MCU: variants seen among roughly 807,000 people sequenced by gnomAD.
MCU encodes the protein calcium uniporter protein, mitochondrial.
In MCU, 12 loss-of-function variants were observed where a neutral mutation model predicts 45.2. The observed-to-expected ratio is 0.27, with a 90% CI of 0.17 to 0.43. The LOEUF is 0.43. Ranked by LOEUF, MCU falls within the 20% of genes least tolerant of loss-of-function variation. MCU has a pLI of 1.00. For missense variants in MCU, 324 were observed against 436.7 expected, an observed-to-expected ratio of 0.74 and a Z score of 2.30; for synonymous variants, 160 against 165.1, an observed-to-expected ratio of 0.97 and a Z score of 0.24.
chr10:72,746,442 T>C (rs1205817940), intron 1 of MCU, among the ~76,000 whole-genome samples: 4 of 152,228 alleles, frequency 2.6e-5, no homozygotes, highest in Non-Finnish European at 5.9e-5. Context: ...TCTATGTAAA[T>C]ACTACCTCAC....
At chr10:72,866,909 G>GT (rs1845466223) in intron 4 of MCU, among the ~76,000 whole-genome samples, 2 of 151,580 alleles carry the variant, frequency 1.3e-5, no homozygotes, top group Non-Finnish European at 2.9e-5. Flanking sequence ...GTTTCTTCTG[G>GT]TAACTTTGGA....
chr10:72,829,797 T>G (rs1011717347), intron 1 of MCU, among the ~76,000 whole-genome samples: 1 of 152,222 alleles, frequency 6.6e-6, no homozygotes, highest in Non-Finnish European at 1.5e-5. Flanking sequence ...TTGGTTTTTG[T>G]TTTTTGTTTG....
chr10:72,813,643 G>A (rs150439141), intron 1 of MCU, among the ~76,000 whole-genome samples: 5 of 151,798 alleles, frequency 3.3e-5, no homozygotes, highest in Non-Finnish European at 5.9e-5. Context: ...AGTTTTAGTA[G>A]AGACAGGGTT....
intron 1 of MCU, among the ~76,000 whole-genome samples, chr10:72,761,907 G>A (rs938943509): frequency 2.0e-5 from 3 of 152,042 alleles, no homozygotes; most frequent in Non-Finnish European, 4.4e-5. Context: ...TCAGAGCTTA[G>A]CTCCCACTTG....
At chr10:72,842,757 T>A (rs1347186030) in intron 2 of MCU, among the ~76,000 whole-genome samples, 1 of 151,766 alleles carries the variant, frequency 6.6e-6, no homozygotes, top group Non-Finnish European at 1.5e-5. Context: ...CATTTATTTT[T>A]AAAATATGGC....
intron 1 of MCU, among the ~76,000 whole-genome samples, chr10:72,739,575 C>G (rs139185428): frequency 6.6e-6 from 1 of 152,098 alleles, no homozygotes; most frequent in Non-Finnish European, 1.5e-5. Flanking sequence ...AGAAAGCCAA[C>G]TTCTTATGTT....
intron 1 of MCU, among the ~76,000 whole-genome samples, chr10:72,763,105 T>C (rs1843677658): frequency 6.6e-6 from 1 of 152,202 alleles, no homozygotes; most frequent in Non-Finnish European, 1.5e-5. Flanking sequence ...ACAGGTTTTC[T>C]GATTTTAATT....
chr10:72,875,207 T>C (rs1440970311), intron 6 of MCU, among the ~76,000 whole-genome samples: 1 of 152,194 alleles, frequency 6.6e-6, no homozygotes, highest in Non-Finnish European at 1.5e-5. Flanking sequence ...TTCTGTTGAC[T>C]TCATTTATGA....
chr10:72,811,852 G>T (rs982826637), intron 1 of MCU, among the ~76,000 whole-genome samples: 2 of 152,034 alleles, frequency 1.3e-5, no homozygotes, highest in African/African-American at 4.8e-5. Context: ...GGCTTTTTCA[G>T]TATTATTTTC....
intron 1 of MCU, among the ~76,000 whole-genome samples, chr10:72,755,701 C>T (rs758453903): frequency 5.3e-5 from 8 of 152,096 alleles, no homozygotes; most frequent in Non-Finnish European, 8.8e-5. Context: ...ATTTGAACGG[C>T]GGAAGCATAA....
chr10:72,722,467 T>A (rs559784469), intron 1 of MCU, among the ~76,000 whole-genome samples: 1 of 151,960 alleles, frequency 6.6e-6, no homozygotes, highest in Non-Finnish European at 1.5e-5. Context: ...ATAGCTAATA[T>A]TACAGTGAGG....
chr10:72,853,686 A>C (rs1845243350), intron 2 of MCU, among the ~76,000 whole-genome samples: 1 of 152,186 alleles, frequency 6.6e-6, no homozygotes, highest in Non-Finnish European at 1.5e-5. Flanking sequence ...ATCACAGTCA[A>C]ATTGTTGAAA....
chr10:72,700,655 A>G (rs891367823), intron 1 of MCU, among the ~76,000 whole-genome samples: 1 of 152,156 alleles, frequency 6.6e-6, no homozygotes, highest in Non-Finnish European at 1.5e-5. Context: ...TTTTTTCACC[A>G]ATTGGGTCTA....
chr10:72,818,224 T>C (rs749920320), intron 1 of MCU, among the ~76,000 whole-genome samples: 20 of 152,238 alleles, frequency 1.3e-4, no homozygotes, highest in Admixed American at 2.0e-4. Context: ...CAGATTTTCA[T>C]GTGCTTCAAA....
chr10:72,815,677 G>A (rs1241324303), intron 1 of MCU, among the ~76,000 whole-genome samples: 1 of 152,070 alleles, frequency 6.6e-6, no homozygotes, highest in African/African-American at 2.4e-5. Context: ...CTCTAGCATG[G>A]GAAAGCTCAA....
At chr10:72,856,682 C>T (rs1349912342) in intron 2 of MCU, among the ~76,000 whole-genome samples, 1 of 150,686 alleles carries the variant, frequency 6.6e-6, no homozygotes, top group East Asian at 1.9e-4. Context: ...TGGCTTTAGT[C>T]CCAGCACTTT....
At chr10:72,869,842 C>A (rs1240652073) in intron 5 of MCU, among the ~76,000 whole-genome samples, 1 of 151,864 alleles carries the variant, frequency 6.6e-6, no homozygotes, top group African/African-American at 2.4e-5. Context: ...ACCACAGATA[C>A]CTAGGGACAA....
intron 1 of MCU, chr10:72,721,177 T>C (rs2132672314): frequency 6.5e-6 from 1 of 154,330 alleles, no homozygotes; most frequent in African/African-American, 2.4e-5. Flanking sequence ...TTCTTACCTC[T>C]GGTCGTAATT....
chr10:72,692,677 C>A, intron 1 of MCU: 1 of 1,205,384 alleles, frequency 8.3e-7, no homozygotes, highest in Non-Finnish European at 1.0e-6. Context: ...GGAAGTTGTC[C>A]CCTTTCCCTC....
Sources: allele counts gnomAD v4.1 joint callset (sites outside exome capture counted in the v4.1 genomes callset), GRCh38; gene constraint gnomAD v4.1.1; transcripts MANE v1.5; gene names NCBI Gene and HGNC (gene_info 2026-07-23, HGNC 2026-07-21).